Variants in CADM2 observed in about 807,000 individuals in gnomAD.
CADM2 encodes the protein immunoglobulin superfamily member 4D.
A neutral mutation model predicts 49.8 loss-of-function variants in CADM2; 12 were observed. The observed-to-expected ratio is 0.24, with a 90% confidence interval of 0.15 to 0.39. The LOEUF (loss-of-function observed/expected upper bound fraction) is 0.39, where lower values mean the gene tolerates loss of function less well. Among genes scored for constraint, CADM2 ranks in the 10% least tolerant of loss-of-function variants. The pLI, the probability that CADM2 is intolerant of heterozygous loss-of-function variation, is 1.00. For synonymous variants in CADM2, 214 were observed against 175.4 expected (o/e 1.22, Z -1.74); for missense variants, 378 against 492.3 (o/e 0.77, Z 2.20).
rs530826779 is a variant in CADM2, at chr3:85,015,916, C to T, written c.61+56248C>T. The stretch of plus-strand genomic sequence containing the variant: ...ACAAAATTGTCATGCTTGGGTGAAA[C>T]TTAATGAGTAGGTGTGATATGATTA... On this transcript the variant is annotated intron_variant, in intron 1 of 9. Coordinates refer to ENST00000383699, the MANE Select transcript of CADM2 (RefSeq NM_001167675.2). Among the ~76,000 whole-genome samples, 123 of 152,184 alleles carry T rather than the reference C, an allele frequency of 8.1e-4. No homozygotes were observed. The Middle Eastern group carries it at 0.02, about 25-fold the overall frequency.
At chr3:85,728,897 G>T (rs2067818779) in intron 2 of CADM2, among the ~76,000 whole-genome samples, 1 of 152,126 alleles carries the variant, frequency 6.6e-6, no homozygotes, top group African/African-American at 2.4e-5. Context: ...GAATCAGTCA[G>T]AAATTATTAG....
intron 8 of CADM2, among the ~76,000 whole-genome samples, chr3:86,047,567 T>C (rs1214762527): frequency 6.6e-6 from 1 of 152,156 alleles, no homozygotes; most frequent in African/African-American, 2.4e-5. Flanking sequence ...ACAAGTCACT[T>C]TGTGCCTCAA....
chr3:85,808,069 C>T (rs1033652479), intron 3 of CADM2, among the ~76,000 whole-genome samples: 1 of 152,146 alleles, frequency 6.6e-6, no homozygotes, highest in African/African-American at 2.4e-5. Context: ...AGTTCCCTGT[C>T]TGCCTTGTGT....
chr3:85,800,847 T>A (rs536706314), intron 2 of CADM2: 1 of 152,404 alleles, frequency 6.6e-6, no homozygotes, highest in African/African-American at 2.4e-5. Flanking sequence ...GAGCTGTTCC[T>A]ATTTGGCCAT....
intron 1 of CADM2, among the ~76,000 whole-genome samples, chr3:85,351,003 A>G (rs2031285831): frequency 6.6e-6 from 1 of 152,200 alleles, no homozygotes; most frequent in South Asian, 2.1e-4. Flanking sequence ...ATAATTTTAA[A>G]AAGTAAACTC....
chr3:85,867,656 C>T (rs1159468128), intron 3 of CADM2, among the ~76,000 whole-genome samples: 1 of 1,120 alleles, frequency 8.9e-4, no homozygotes, highest in Non-Finnish European at 1.8e-3. Flanking sequence ...ATTATTTTAT[C>T]ATAAGAACTT....
intron 1 of CADM2, among the ~76,000 whole-genome samples, chr3:85,357,257 A>G (rs2031944400): frequency 6.6e-6 from 1 of 152,170 alleles, no homozygotes; most frequent in African/African-American, 2.4e-5. Context: ...TAGAAAAAAT[A>G]CAAATTGCTG....
At chr3:85,814,628 C>A (rs1366578166) in intron 3 of CADM2, among the ~76,000 whole-genome samples, 1 of 151,596 alleles carries the variant, frequency 6.6e-6, no homozygotes, top group Non-Finnish European at 1.5e-5. Flanking sequence ...GCTAGCCAGA[C>A]TAATAAAGAA....
At chr3:85,589,105 G>A (rs1559928951) in intron 1 of CADM2, among the ~76,000 whole-genome samples, 1 of 151,972 alleles carries the variant, frequency 6.6e-6, no homozygotes, top group East Asian at 1.9e-4. Context: ...TTTGATAAAG[G>A]GAGTGGTGAG....
chr3:85,289,326 G>A (rs1003042941), intron 1 of CADM2, among the ~76,000 whole-genome samples: 1 of 152,114 alleles, frequency 6.6e-6, no homozygotes, highest in Admixed American at 6.6e-5. Flanking sequence ...TCTTTTTTAA[G>A]TGAGGTTAGA....
chr3:85,906,227 A>G (rs1211869825), intron 5 of CADM2, among the ~76,000 whole-genome samples: 1 of 152,144 alleles, frequency 6.6e-6, no homozygotes, highest in Non-Finnish European at 1.5e-5. Context: ...AATGTAGACA[A>G]ATATAGAGCC....
chr3:85,126,217 ATAGG>A (rs1448741167), intron 1 of CADM2, among the ~76,000 whole-genome samples: 1 of 152,166 alleles, frequency 6.6e-6, no homozygotes, highest in Non-Finnish European at 1.5e-5. Context: ...TGAAATTATA[ATAGG>A]TAGAATCAGT....
Position 85,961,456 on chromosome 3 carries a change from T to A in CADM2, c.792-13T>A. 6.4e-7 allele frequency: 1 copy of A among 1,562,946 alleles called. No individual in the cohort carries two copies. Among genetic ancestry groups the A allele is most frequent in the East Asian group, 2.3e-5 (1 of 43,932 alleles). On this transcript the variant is annotated splice_polypyrimidine_tract_variant and intron_variant, in intron 7 of 9. Coordinates refer to ENST00000383699, the MANE Select transcript of CADM2 (RefSeq NM_001167675.2). ...TTATTTTTGCTATCTACATGCATGT[T>A]TCAATCCAATAGGCCAGAACCTGTT... is the stretch of plus-strand genomic sequence containing the variant.
intron 1 of CADM2, among the ~76,000 whole-genome samples, chr3:85,623,941 C>T (rs72913150): frequency 0.042 from 6,432 of 151,986 alleles, 451 homozygotes; most frequent in African/African-American, 0.15. Context: ...AAGGATATTG[C>T]TTTATTTTGA....
At chr3:85,701,216 A>G (rs1257431944) in intron 1 of CADM2, among the ~76,000 whole-genome samples, 2 of 152,146 alleles carry the variant, frequency 1.3e-5, no homozygotes, top group East Asian at 1.9e-4. Flanking sequence ...TAAGAACTCT[A>G]TCATGAAAAC....
intron 1 of CADM2, among the ~76,000 whole-genome samples, chr3:85,189,414 T>C (rs2041148957): frequency 6.6e-6 from 1 of 152,158 alleles, no homozygotes; most frequent in African/African-American, 2.4e-5. Flanking sequence ...AACCAGGGAT[T>C]TGAGGCAATT....
At chr3:85,627,745 G>T (rs2064169070) in intron 1 of CADM2, among the ~76,000 whole-genome samples, 1 of 151,906 alleles carries the variant, frequency 6.6e-6, no homozygotes, top group African/African-American at 2.4e-5. Context: ...TCCAAAGAAG[G>T]TAAAAATATA....
Position 86,066,812 on chromosome 3 carries a change from A to C in CADM2, c.*29A>C. 6.9e-7 allele frequency: 1 copy of C among 1,454,968 alleles called. No individual in the cohort carries two copies. The highest frequency in any genetic ancestry group is 9.7e-7 in the Non-Finnish European group (1 of 1,035,636). The allele number at this position is 1,454,968 out of a possible 1,614,324, so 90.1% of individuals were successfully genotyped here. A position where few individuals can be genotyped will look rare whatever the true frequency, so the allele number is the denominator to read the frequency against. On this transcript the variant is annotated 3_prime_UTR_variant, in exon 10 of 10. Transcript: ENST00000383699. The stretch of plus-strand genomic sequence containing the variant: ...GCAGGCCAAGATTCTGAGTTTTACT[A>C]CCAGGCTGAATGCTGGAGAAAACTG...
At chr3:85,719,390 A>T (rs1210211536) in intron 1 of CADM2, among the ~76,000 whole-genome samples, 1 of 152,150 alleles carries the variant, frequency 6.6e-6, no homozygotes, top group East Asian at 1.9e-4. Flanking sequence ...CACAGTCAAA[A>T]ATTCAAGGAA....
Sources: gnomAD v4.1 joint callset for allele counts (sites outside exome capture counted in the v4.1 genomes callset) on GRCh38, gnomAD v4.1.1 for gene constraint, MANE v1.5 for transcripts, NCBI Gene and HGNC (gene_info 2026-07-23, HGNC 2026-07-21) for gene names.